Variants in SELENOF observed in about 807,000 individuals in gnomAD.
The protein encoded by SELENOF is 15 kDa selenoprotein.
Under a neutral mutation model 20.5 loss-of-function variants are expected in SELENOF, and 16 were observed. The ratio of observed to expected loss-of-function variants is 0.78; its 90% CI spans 0.53 to 1.19. The LOEUF is 1.19. SELENOF is among the 50% of genes most tolerant of loss of function. The probability of loss-of-function intolerance (pLI) is 0.00; values close to 1 mark genes in which losing one functional copy is unlikely to be tolerated. For missense variants in SELENOF, 215 were observed against 194.2 expected, an observed-to-expected ratio of 1.11 and a Z score of -0.64; for synonymous variants, 78 against 74.5, an observed-to-expected ratio of 1.05 and a Z score of -0.24.
chr1:86,908,437 TAAAG>T (rs1343694631), intron 1 of SELENOF, among the ~76,000 whole-genome samples: 4 of 152,346 alleles, frequency 2.6e-5, no homozygotes, highest in African/African-American at 9.6e-5. Context: ...CACCATTTTA[TAAAG>T]AAAGAAACAG....
intron 2 of SELENOF, among the ~76,000 whole-genome samples, chr1:86,890,656 C>T (rs933234828): frequency 9.9e-5 from 14 of 140,790 alleles, no homozygotes; most frequent in Admixed American, 5.7e-4. Context: ...TCACACCCAG[C>T]TTTTTTTTTT....
At chr1:86,894,860 CAACA>C (rs1553127612) in intron 2 of SELENOF, among the ~76,000 whole-genome samples, 2 of 151,920 alleles carry the variant, frequency 1.3e-5, no homozygotes, top group African/African-American at 2.4e-5. Context: ...ACAACAACAA[CAACA>C]AACAAACAAA....
chr1:86,900,415 G>T (rs1236092446), intron 2 of SELENOF, among the ~76,000 whole-genome samples: 2 of 148,656 alleles, frequency 1.3e-5, no homozygotes, highest in South Asian at 2.1e-4. Flanking sequence ...GCGAAACCCC[G>T]TCTCCACCAA....
chr1:86,909,362 C>T (rs1370937301), intron 1 of SELENOF, among the ~76,000 whole-genome samples: 2 of 152,100 alleles, frequency 1.3e-5, no homozygotes, highest in African/African-American at 4.8e-5. Flanking sequence ...TATAACAGTT[C>T]AATAAGGGTG....
At chr1:86,869,275 C>T (rs922508389) in intron 3 of SELENOF, among the ~76,000 whole-genome samples, 2 of 152,052 alleles carry the variant, frequency 1.3e-5, no homozygotes, top group African/African-American at 2.4e-5. Context: ...TAAAAAGTCT[C>T]GCTAAACCAA....
chr1:86,886,263 G>T (rs985133047), intron 2 of SELENOF, among the ~76,000 whole-genome samples: 1 of 152,166 alleles, frequency 6.6e-6, no homozygotes, highest in Non-Finnish European at 1.5e-5. Context: ...CTACTCAAAT[G>T]ATTGTAATGG....
chr1:86,888,716 T>A (rs1318038626), intron 2 of SELENOF, among the ~76,000 whole-genome samples: 2 of 152,262 alleles, frequency 1.3e-5, no homozygotes, highest in Non-Finnish European at 2.9e-5. Context: ...CAAGCTAGAG[T>A]GCAGTGGTGC....
intron 1 of SELENOF, 151 bp downstream of exon 1, chr1:86,913,877 G>A: frequency 1.4e-6 from 1 of 697,546 alleles, no homozygotes; most frequent in Non-Finnish European, 2.5e-6. Flanking sequence ...GATCAACCGA[G>A]AAATTAAGCC....
chr1:86,864,139 GT>G (rs1198265402), intron 4 of SELENOF, among the ~76,000 whole-genome samples: 1 of 152,144 alleles, frequency 6.6e-6, no homozygotes, highest in Non-Finnish European at 1.5e-5. Context: ...TAAGAGCAAT[GT>G]TTTAAAATAC....
At chr1:86,896,567 G>A (rs1659532378) in intron 2 of SELENOF, among the ~76,000 whole-genome samples, 1 of 152,178 alleles carries the variant, frequency 6.6e-6, no homozygotes, top group Non-Finnish European at 1.5e-5. Context: ...ATTTTAATCT[G>A]ATGGTCATGT....
rs371494909 is a variant in SELENOF, at chr1:86,875,312, C to T, written c.316+5350G>A. 2.0e-5 allele frequency among the ~76,000 whole-genome samples: 3 copies of T among 151,910 alleles called. No individual in the cohort carries two copies. The East Asian group carries it at 5.8e-4, about 29-fold the overall frequency. On this transcript the variant is annotated intron_variant, in intron 3 of 4. Coordinates refer to ENST00000331835, the MANE Select transcript of SELENOF (RefSeq NM_004261.5). ...TCTGGACTGCAAAATTGTGTCATCC[C>T]ATTAGGACAATTTAGAAGCACTTGA...
chr1:86,899,331 A>G (rs1659609928), intron 2 of SELENOF, among the ~76,000 whole-genome samples: 1 of 138,542 alleles, frequency 7.2e-6, no homozygotes, highest in Non-Finnish European at 1.6e-5. Context: ...GTGGCCGGGC[A>G]GAGGGGCTCC....
chr1:86,913,332 G>C (rs1191694948), intron 1 of SELENOF, among the ~76,000 whole-genome samples: 1 of 152,128 alleles, frequency 6.6e-6, no homozygotes, highest in Non-Finnish European at 1.5e-5. Flanking sequence ...TAAGTTAAAA[G>C]TACACTTTTC....
chr1:86,881,048 A>C (rs908306791), intron 2 of SELENOF, among the ~76,000 whole-genome samples: 16 of 152,202 alleles, frequency 1.1e-4, no homozygotes, highest in African/African-American at 3.4e-4. Context: ...CAAAATATTA[A>C]AGGTTTCCTA....
At chr1:86,868,182 TAAAC>T in intron 3 of SELENOF, 80 bp from the exon 4 acceptor site, 1 of 680,270 alleles carries the variant, frequency 1.5e-6, no homozygotes, top group Non-Finnish European at 2.5e-6. Flanking sequence ...AAAGTGGAAA[TAAAC>T]AACAAATCAA....
chr1:86,907,812 C>T (rs1211139597), intron 1 of SELENOF, among the ~76,000 whole-genome samples: 2 of 151,914 alleles, frequency 1.3e-5, no homozygotes, highest in East Asian at 1.9e-4. Context: ...GGTGAAACCC[C>T]GTCTCTACTA....
intron 4 of SELENOF, 86 bp downstream of exon 4, chr1:86,867,967 G>A (rs1440594049): frequency 1.7e-5 from 9 of 539,586 alleles, no homozygotes; most frequent in Non-Finnish European, 2.8e-5. Context: ...GTTTATGGGG[G>A]AAACCATTTA....
At chr1:86,867,377 A>G (rs1422571977) in intron 4 of SELENOF, among the ~76,000 whole-genome samples, 1 of 152,004 alleles carries the variant, frequency 6.6e-6, no homozygotes, top group Non-Finnish European at 1.5e-5. Context: ...CCTGTAATAA[A>G]GCTGCTCAGG....
At chr1:86,896,131 GGCAGGAGAATCGCTTGAACCT>G (rs762471730) in intron 2 of SELENOF, among the ~76,000 whole-genome samples, 1 of 152,076 alleles carries the variant, frequency 6.6e-6, no homozygotes, top group Non-Finnish European at 1.5e-5. Flanking sequence ...GCGAGGCTGA[GGCAGGAGAATCGCTTGAACCT>G]GCAGGAGAAT....
Sources: allele counts gnomAD v4.1 joint callset (sites outside exome capture counted in the v4.1 genomes callset), GRCh38; gene constraint gnomAD v4.1.1; transcripts MANE v1.5; gene names NCBI Gene and HGNC (gene_info 2026-07-23, HGNC 2026-07-21).